GALNT13: variants seen among roughly 807,000 people sequenced by gnomAD.
GALNT13 encodes UDP-GalNAc:polypeptide N-acetylgalactosaminyltransferase 13.
In GALNT13, 28 loss-of-function variants were observed where a neutral mutation model predicts 64.2. The observed-to-expected ratio is 0.44, with a 90% CI of 0.32 to 0.60. The LOEUF (loss-of-function observed/expected upper bound fraction) is 0.60. Ranked by LOEUF, GALNT13 falls within the 20% of genes least tolerant of loss-of-function variation. The pLI, the probability that GALNT13 is intolerant of heterozygous loss-of-function variation, is 0.05. For synonymous variants in GALNT13, 214 were observed against 224.6 expected (o/e 0.95, Z 0.42); for missense variants, 577 against 669.8 (o/e 0.86, Z 1.53).
intron 3 of GALNT13, among the ~76,000 whole-genome samples, chr2:153,968,019 C>G (rs1054138802): frequency 7.1e-6 from 1 of 139,960 alleles, no homozygotes; most frequent in African/African-American, 2.5e-5. Context: ...CAGAAAGAGT[C>G]TCTCCCAGTG....
chr2:153,967,162 TAA>T (rs1051847842), intron 3 of GALNT13, among the ~76,000 whole-genome samples: 20 of 152,204 alleles, frequency 1.3e-4, no homozygotes, highest in Non-Finnish European at 2.9e-5. Flanking sequence ...CTGAACTTCC[TAA>T]GACAGGTATT....
At chr2:154,074,878 A>G (rs1337086229) in intron 3 of GALNT13, among the ~76,000 whole-genome samples, 2 of 151,908 alleles carry the variant, frequency 1.3e-5, no homozygotes, top group Non-Finnish European at 2.9e-5. Flanking sequence ...TCCTCAACAT[A>G]CTAGCCACTG....
chr2:154,274,277 G>GA (rs1290322782), intron 8 of GALNT13, among the ~76,000 whole-genome samples: 1 of 152,110 alleles, frequency 6.6e-6, no homozygotes, highest in East Asian at 1.9e-4. Context: ...TCAAAGGAGG[G>GA]AACGATTGCT....
At chr2:154,053,713 G>A (rs1399759496) in intron 3 of GALNT13, among the ~76,000 whole-genome samples, 1 of 152,128 alleles carries the variant, frequency 6.6e-6, no homozygotes, top group Non-Finnish European at 1.5e-5. Flanking sequence ...CTTTGGAATG[G>A]CTTTGTTGCT....
At chr2:153,389,278 G>A in the GALNT13 span, among the ~76,000 whole-genome samples, 3 of 152,068 alleles carry the variant, frequency 2.0e-5, no homozygotes, top group African/African-American at 4.8e-5. Context: ...GGAGGTATAC[G>A]TTTTGAATTT....
the GALNT13 span, among the ~76,000 whole-genome samples, chr2:153,630,790 TATATATATATATATA>T: frequency 8.5e-5 from 1 of 11,762 alleles, no homozygotes; most frequent in African/African-American, 2.9e-4. Flanking sequence ...TATATATATA[TATATATATATATATA>T]TATTTTTTTT....
the GALNT13 span, among the ~76,000 whole-genome samples, chr2:153,393,556 C>T: frequency 6.6e-6 from 1 of 151,950 alleles, no homozygotes; most frequent in Non-Finnish European, 1.5e-5. Context: ...TTAGACAAAA[C>T]AAATTTATTA....
At chr2:153,374,808 C>T in the GALNT13 span, among the ~76,000 whole-genome samples, 1 of 152,166 alleles carries the variant, frequency 6.6e-6, no homozygotes, top group African/African-American at 2.4e-5. Flanking sequence ...GCCAGGCACT[C>T]TCTAGCACAC....
At chr2:154,135,227 A>G (rs1340068161) in intron 3 of GALNT13, among the ~76,000 whole-genome samples, 4 of 152,078 alleles carry the variant, frequency 2.6e-5, no homozygotes, top group Non-Finnish European at 5.9e-5. Flanking sequence ...GTAAATGAGC[A>G]TGCATTATTT....
the GALNT13 span, among the ~76,000 whole-genome samples, chr2:153,243,883 T>C: frequency 0.032 from 4,830 of 152,156 alleles, 242 homozygotes; most frequent in African/African-American, 0.1. Context: ...AATTGATCTG[T>C]TTAATGGAAA....
the GALNT13 span, among the ~76,000 whole-genome samples, chr2:153,124,024 C>G: frequency 0.5 from 75,387 of 151,950 alleles, 20,172 homozygotes; most frequent in South Asian, 0.64. Context: ...CACTCACTCT[C>G]TGGCCCTTCT....
the GALNT13 span, among the ~76,000 whole-genome samples, chr2:153,349,934 T>G: frequency 6.6e-6 from 1 of 152,116 alleles, no homozygotes; most frequent in Non-Finnish European, 1.5e-5. Flanking sequence ...AACATTTAAC[T>G]GAAAAACAAT....
In GALNT13 at chr2:153,879,751, A is replaced by G. The variant is rs1476938587; in HGVS notation, c.-177+7448A>G. 7.9e-5 allele frequency among the ~76,000 whole-genome samples: 12 copies of G among 152,144 alleles called. No homozygotes were observed. In the South Asian group the frequency reaches 2.5e-3, roughly 31 times the overall value. On this transcript the variant is annotated intron_variant, in intron 1 of 12. Transcript: ENST00000392825. Reference sequence around the variant, plus strand: ...TCTATGTCTTTTCCCTATTTGAGTAAGTTTTGCCTTTGAAAGTGAAGGAAG... The same window carrying G: ...TCTATGTCTTTTCCCTATTTGAGTAGGTTTTGCCTTTGAAAGTGAAGGAAG...
chr2:153,811,232 G>A, the GALNT13 span, among the ~76,000 whole-genome samples: 12 of 152,134 alleles, frequency 7.9e-5, no homozygotes, highest in Non-Finnish European at 1.6e-4. Flanking sequence ...TCGATCTAAT[G>A]ACCTCTCTAC....
At chr2:153,481,397 C>G in the GALNT13 span, among the ~76,000 whole-genome samples, 11 of 151,870 alleles carry the variant, frequency 7.2e-5, no homozygotes, top group Admixed American at 5.9e-4. Flanking sequence ...TCCTTTTATT[C>G]ACCTGTTTCT....
chr2:154,213,193 C>G (rs1352683297), intron 4 of GALNT13, among the ~76,000 whole-genome samples: 4 of 152,142 alleles, frequency 2.6e-5, no homozygotes, highest in Admixed American at 6.5e-5. Context: ...ACCTCCACCC[C>G]CAACCTCAGC....
the GALNT13 span, among the ~76,000 whole-genome samples, chr2:153,497,008 A>T: frequency 1.3e-5 from 2 of 151,002 alleles, no homozygotes; most frequent in African/African-American, 4.9e-5. Flanking sequence ...AAAAAAAAAA[A>T]AAAAAGAAAA....
At chr2:153,900,679 A>T (rs549386714) in intron 1 of GALNT13, among the ~76,000 whole-genome samples, 2 of 152,290 alleles carry the variant, frequency 1.3e-5, no homozygotes, top group South Asian at 4.1e-4. Flanking sequence ...TGCATATAAT[A>T]TGAAGCTAGT....
intron 10 of GALNT13, among the ~76,000 whole-genome samples, chr2:154,404,081 C>T (rs1321332735): frequency 6.6e-6 from 1 of 152,142 alleles, no homozygotes; most frequent in African/African-American, 2.4e-5. Flanking sequence ...TGACTCCTGT[C>T]TATTGCTATT....
Sources: allele counts gnomAD v4.1 joint callset (sites outside exome capture counted in the v4.1 genomes callset), GRCh38; gene constraint gnomAD v4.1.1; transcripts MANE v1.5; gene names NCBI Gene and HGNC (gene_info 2026-07-23, HGNC 2026-07-21).